CHST15: variants seen among roughly 807,000 people sequenced by gnomAD.
CHST15 encodes B cell RAG associated protein (GALNAC4S-6ST).
Under a neutral mutation model 53.6 loss-of-function variants are expected in CHST15, and 30 were observed. That is an observed-to-expected ratio of 0.56 (90% CI 0.42 to 0.76). The LOEUF is 0.76. Among genes scored for constraint, CHST15 ranks in the 30% least tolerant of loss-of-function variants. The pLI, the probability that CHST15 is intolerant of heterozygous loss-of-function variation, is 0.00. For missense variants in CHST15, 627 were observed against 740.5 expected (o/e 0.85, Z 1.78); for synonymous variants, 296 against 289.8 (o/e 1.02, Z -0.22).
intron 1 of CHST15, among the ~76,000 whole-genome samples, chr10:124,075,416 A>G (rs775769908): frequency 6.6e-5 from 10 of 152,192 alleles, no homozygotes; most frequent in Non-Finnish European, 1.3e-4. Flanking sequence ...CAGCCTATTC[A>G]GGCCCATCGA....
At chr10:124,048,408 G>A (rs1232835226) in intron 1 of CHST15, among the ~76,000 whole-genome samples, 1 of 152,198 alleles carries the variant, frequency 6.6e-6, no homozygotes, top group Non-Finnish European at 1.5e-5. Flanking sequence ...CTGCAGAGGC[G>A]CTGGGGCGGG....
chr10:124,048,918 T>A (rs750122267), intron 1 of CHST15, among the ~76,000 whole-genome samples: 6 of 152,082 alleles, frequency 3.9e-5, no homozygotes, highest in Non-Finnish European at 7.4e-5. Flanking sequence ...CAGCCGACAG[T>A]CTCAACAGAG....
At chr10:124,034,497 A>G (rs1001922740) in intron 5 of CHST15, among the ~76,000 whole-genome samples, 1 of 151,828 alleles carries the variant, frequency 6.6e-6, no homozygotes, top group African/African-American at 2.4e-5. Flanking sequence ...TCCAGGAAGA[A>G]AGAAACATAC....
intron 2 of CHST15, among the ~76,000 whole-genome samples, chr10:124,045,124 A>AAAAAAAC (rs1564882046): frequency 7.9e-5 from 6 of 76,142 alleles, no homozygotes; most frequent in African/African-American, 2.4e-4. Flanking sequence ...AAAAAAAAAA[A>AAAAAAAC]AAAAAAAAAA....
intron 1 of CHST15, among the ~76,000 whole-genome samples, chr10:124,079,773 A>G (rs1373101219): frequency 6.6e-6 from 1 of 152,234 alleles, no homozygotes; most frequent in Non-Finnish European, 1.5e-5. Context: ...TCTCTGTCAC[A>G]GCCAGGGCCG....
intron 5 of CHST15, among the ~76,000 whole-genome samples, chr10:124,032,367 A>G (rs1947256302): frequency 6.6e-6 from 1 of 152,208 alleles, no homozygotes; most frequent in African/African-American, 2.4e-5. Context: ...AACCCCAAAC[A>G]TAGACACGGT....
chr10:124,060,540 C>A (rs911213152), intron 1 of CHST15, among the ~76,000 whole-genome samples: 1 of 149,538 alleles, frequency 6.7e-6, no homozygotes, highest in Admixed American at 6.6e-5. Flanking sequence ...TTGTGCCAGA[C>A]CCCCAGGGGT....
At chr10:124,080,734 GCCT>G in intron 1 of CHST15, among the ~76,000 whole-genome samples, 1 of 152,300 alleles carries the variant, frequency 6.6e-6, no homozygotes, top group East Asian at 1.9e-4. Flanking sequence ...ACTTCTGCAG[GCCT>G]CCGTTTCCCC....
chr10:124,011,351 G>A (rs762399898), intron 7 of CHST15: 45 of 972,606 alleles, frequency 4.6e-5, no homozygotes, highest in Non-Finnish European at 5.5e-5. Flanking sequence ...ATGGGACAGA[G>A]TCAACATGTG....
intron 6 of CHST15, chr10:124,020,424 G>A: frequency 1.0e-6 from 1 of 985,518 alleles, no homozygotes; most frequent in Non-Finnish European, 1.2e-6. Flanking sequence ...GTCCAACAGG[G>A]CAGCCTGGAA....
intron 4 of CHST15, 65 bp from the exon 5 acceptor site, chr10:124,038,736 G>A: frequency 1.3e-6 from 2 of 1,566,094 alleles, no homozygotes; most frequent in East Asian, 2.3e-5. Flanking sequence ...GTGGCTCTAG[G>A]TGCCAGAGGC....
rs532559122 is a variant in CHST15 at position 124,013,872 on chromosome 10, A to G, written c.1348-1392T>C. 3.3e-5 allele frequency among the ~76,000 whole-genome samples: 5 copies of G among 151,184 alleles called. No homozygotes were observed. The South Asian group carries it at 1.0e-3, about 32-fold the overall frequency. ...CTCCCACCTCTCCCCAGTTCACACC[A>G]CTCCCTTTGTTTATGCCCCATCTAC... On this transcript the variant is annotated intron_variant, in intron 6 of 7. Transcript: ENST00000435907.
chr10:124,021,444 C>A (rs1189871926), intron 5 of CHST15, 32 bp from the exon 6 acceptor site: 2 of 1,582,330 alleles, frequency 1.3e-6, no homozygotes, highest in South Asian at 2.3e-5. Flanking sequence ...ATTTTTACCA[C>A]CCATGAACAT....
At chr10:124,045,123 A>AC (rs779182482) in intron 2 of CHST15, among the ~76,000 whole-genome samples, 34,482 of 125,568 alleles carry the variant, frequency 0.27, 5,177 homozygotes, top group South Asian at 0.38. Flanking sequence ...AAAAAAAAAA[A>AC]AAAAAAAAAA....
intron 1 of CHST15, among the ~76,000 whole-genome samples, chr10:124,058,023 CA>C (rs1948439249): frequency 6.6e-6 from 1 of 152,218 alleles, no homozygotes; most frequent in Non-Finnish European, 1.5e-5. Context: ...CTTTGTGACA[CA>C]ATCAATAATT....
At chr10:124,075,705 C>T (rs1292308291) in intron 1 of CHST15, among the ~76,000 whole-genome samples, 1 of 152,162 alleles carries the variant, frequency 6.6e-6, no homozygotes, top group East Asian at 1.9e-4. Context: ...TCCGGGCTTT[C>T]CTTGGTTAGA....
At chr10:124,089,857 G>A (rs186541964) in intron 1 of CHST15, among the ~76,000 whole-genome samples, 4 of 152,278 alleles carry the variant, frequency 2.6e-5, no homozygotes, top group East Asian at 1.9e-4. Flanking sequence ...TCCTAGCCCC[G>A]CCAAATCATC....
At position 124,008,340 on chromosome 10, in the gene CHST15, C is replaced by A. The variant is rs138300095; in HGVS notation, c.*1809G>T. ...CAGAAGACGCACTCACCCACACGTGCGCGTACACACACACACACGCGCGCA... is the reference window on the plus strand; with the variant it reads ...CAGAAGACGCACTCACCCACACGTGAGCGTACACACACACACACGCGCGCA... On this transcript the variant is annotated 3_prime_UTR_variant, in exon 8 of 8. Transcript: ENST00000435907. 1.0e-5 allele frequency: 11 copies of A among 1,072,568 alleles called. No homozygotes were observed. In the East Asian group the frequency reaches 6.7e-4, roughly 65 times the overall value. The allele number at this position is 1,072,568 out of a possible 1,614,324, so 66.4% of individuals were successfully genotyped here.
In CHST15 at chr10:124,024,315, C is replaced by T. The variant is rs573078668; in HGVS notation, c.1191-2903G>A. 6.6e-6 allele frequency among the ~76,000 whole-genome samples: 1 copy of T among 152,314 alleles called. No individual in the cohort carries two copies. The highest frequency in any genetic ancestry group is 2.1e-4 in the South Asian group (1 of 4,830). ...TCTTAGGGACAGGCCCAGAAGCTAT[C>T]CACCTCCGTAGCCCACCTTGGCACA... On this transcript the variant is annotated intron_variant, in intron 5 of 7. Coordinates refer to ENST00000435907, the MANE Select transcript of CHST15 (RefSeq NM_001270764.2). This position sits in a 1 kb window ranked among gnomAD's most constrained non-coding sequence, Gnocchi z 4.0.
Sources: gnomAD v4.1 joint callset for allele counts (sites outside exome capture counted in the v4.1 genomes callset) on GRCh38, gnomAD v4.1.1 for gene constraint, Gnocchi (gnomAD v3.1) non-coding constraint, MANE v1.5 for transcripts, NCBI Gene and HGNC (gene_info 2026-07-23, HGNC 2026-07-21) for gene names.